COP1: variants seen among roughly 807,000 people sequenced by gnomAD.
COP1 encodes E3 ubiquitin-protein ligase COP1.
A neutral mutation model predicts 101.3 loss-of-function variants in COP1; 24 were observed. The observed-to-expected ratio is 0.24, with a 90% CI of 0.17 to 0.33. The LOEUF is 0.33. Among genes scored for constraint, COP1 ranks in the 10% least tolerant of loss-of-function variants. The pLI is 1.00. For synonymous variants in COP1, 347 were observed against 341.9 expected, an observed-to-expected ratio of 1.01 and a Z score of -0.17; for missense variants, 663 against 906.2, an observed-to-expected ratio of 0.73 and a Z score of 3.45.
chr1:176,082,981 A>G (rs751363973), intron 10 of COP1, among the ~76,000 whole-genome samples: 7 of 152,200 alleles, frequency 4.6e-5, no homozygotes, highest in Non-Finnish European at 1.0e-4. Context: ...TTCTAAAGAC[A>G]GCAAAAGGAA....
At chr1:176,031,738 G>T (rs1477391652) in intron 14 of COP1, among the ~76,000 whole-genome samples, 1 of 151,994 alleles carries the variant, frequency 6.6e-6, no homozygotes, top group Admixed American at 6.6e-5. Context: ...TTCTATACAA[G>T]TTTTATTTCT....
chr1:175,984,748 C>T (rs1188342636), intron 18 of COP1, among the ~76,000 whole-genome samples: 1 of 152,180 alleles, frequency 6.6e-6, no homozygotes, highest in African/African-American at 2.4e-5. Context: ...GGGAACCCAC[C>T]TCTTGCATCA....
At chr1:176,054,917 A>G (rs1227815240) in intron 11 of COP1, among the ~76,000 whole-genome samples, 1 of 152,218 alleles carries the variant, frequency 6.6e-6, no homozygotes, top group East Asian at 1.9e-4. Context: ...CACTGGAATC[A>G]AGCTTTTACC....
At chr1:176,054,036 G>A (rs1673026496) in intron 11 of COP1, among the ~76,000 whole-genome samples, 1 of 151,992 alleles carries the variant, frequency 6.6e-6, no homozygotes, top group Non-Finnish European at 1.5e-5. Context: ...TGATCCTTAA[G>A]GAGGCACTTA....
At chr1:176,144,017 C>T (rs894673647) in intron 6 of COP1, among the ~76,000 whole-genome samples, 13 of 152,126 alleles carry the variant, frequency 8.5e-5, no homozygotes, top group Admixed American at 5.2e-4. Context: ...AATGGTGACA[C>T]GTTGAATGCT....
At chr1:176,030,469 G>A (rs1289006204) in intron 14 of COP1, among the ~76,000 whole-genome samples, 2 of 151,984 alleles carry the variant, frequency 1.3e-5, no homozygotes, top group Non-Finnish European at 2.9e-5. Context: ...GTTGTTTAAC[G>A]TTAATTAAAT....
intron 18 of COP1, among the ~76,000 whole-genome samples, chr1:175,961,144 C>T (rs1374574261): frequency 6.6e-6 from 1 of 152,192 alleles, no homozygotes; most frequent in Non-Finnish European, 1.5e-5. Context: ...TAAGATTCTG[C>T]CATGCTACTG....
chr1:176,108,439 T>C (rs1354207125), intron 9 of COP1, among the ~76,000 whole-genome samples: 1 of 152,166 alleles, frequency 6.6e-6, no homozygotes, highest in Non-Finnish European at 1.5e-5. Context: ...CTTAGAATCA[T>C]TCCTTGAAAT....
At chr1:176,003,574 G>C (rs1390782261) in intron 15 of COP1, among the ~76,000 whole-genome samples, 1 of 151,388 alleles carries the variant, frequency 6.6e-6, no homozygotes, top group Non-Finnish European at 1.5e-5. Context: ...CATATGGCTA[G>C]CCAGTTTTCC....
chr1:176,204,014 C>T, intron 1 of COP1, among the ~76,000 whole-genome samples: 1 of 152,186 alleles, frequency 6.6e-6, no homozygotes, highest in Non-Finnish European at 1.5e-5. Flanking sequence ...AAACATTTAT[C>T]TCATATGATT....
intron 11 of COP1, among the ~76,000 whole-genome samples, chr1:176,048,345 A>T (rs1437839401): frequency 4.0e-5 from 6 of 149,928 alleles, no homozygotes; most frequent in Admixed American, 2.7e-4. Flanking sequence ...CAGCCAATTT[A>T]AAAAAAAAAT....
intron 18 of COP1, among the ~76,000 whole-genome samples, chr1:175,967,954 G>A (rs947844266): frequency 1.3e-5 from 2 of 151,730 alleles, no homozygotes; most frequent in Non-Finnish European, 2.9e-5. Context: ...TGCAACCTTC[G>A]CCTCCCAGGT....
At chr1:176,090,274 C>T (rs1681028012) in intron 9 of COP1, among the ~76,000 whole-genome samples, 1 of 152,178 alleles carries the variant, frequency 6.6e-6, no homozygotes, top group South Asian at 2.1e-4. Context: ...TAAGTAATGA[C>T]AGGTGTCTTA....
At chr1:175,953,194 AAACAT>A (rs1468462695) in intron 18 of COP1, among the ~76,000 whole-genome samples, 1 of 152,160 alleles carries the variant, frequency 6.6e-6, no homozygotes, top group African/African-American at 2.4e-5. Flanking sequence ...GTAAAAAGTT[AAACAT>A]ATTATAAACT....
chr1:176,176,960 C>G (rs75893458), intron 2 of COP1, among the ~76,000 whole-genome samples: 25 of 152,144 alleles, frequency 1.6e-4, no homozygotes, highest in Non-Finnish European at 1.5e-5. Context: ...TTTTTACATA[C>G]CCTTTTGAAT....
intron 5 of COP1, among the ~76,000 whole-genome samples, chr1:176,158,630 C>CTTTTTT (rs35518162): frequency 1.2e-3 from 93 of 79,318 alleles, no homozygotes; most frequent in African/African-American, 1.9e-3. Flanking sequence ...TTTTAAGGTT[C>CTTTTTT]TTTTTTTTTT....
At chr1:176,072,844 C>T (rs563618184) in intron 11 of COP1, among the ~76,000 whole-genome samples, 19 of 152,198 alleles carry the variant, frequency 1.2e-4, no homozygotes, top group South Asian at 2.1e-4. Context: ...CAGAATTATA[C>T]GTCAAAAATT....
chr1:176,147,925 A>T (rs554759657), intron 6 of COP1, among the ~76,000 whole-genome samples: 1 of 152,120 alleles, frequency 6.6e-6, no homozygotes, highest in Non-Finnish European at 1.5e-5. Flanking sequence ...TTTGGGACAG[A>T]TTCTCGCCCT....
At chr1:176,130,565 T>A (rs1336348669) in intron 8 of COP1, among the ~76,000 whole-genome samples, 3 of 151,766 alleles carry the variant, frequency 2.0e-5, no homozygotes. Flanking sequence ...ACTGATATAT[T>A]TTTTTAAAAA....
Sources: gnomAD v4.1 joint callset for allele counts (sites outside exome capture counted in the v4.1 genomes callset) on GRCh38, gnomAD v4.1.1 for gene constraint, MANE v1.5 for transcripts, NCBI Gene and HGNC (gene_info 2026-07-23, HGNC 2026-07-21) for gene names.